RTTN: variants seen among roughly 807,000 people sequenced by gnomAD.
RTTN encodes the protein rotatin.
A neutral mutation model predicts 269.2 loss-of-function variants in RTTN; 182 were observed. That is an observed-to-expected ratio of 0.68 (90% CI 0.60 to 0.76). RTTN has a LOEUF of 0.76. Among genes scored for constraint, RTTN ranks in the 30% least tolerant of loss-of-function variants. RTTN has a pLI of 0.00. For missense variants in RTTN, 2,545 were observed against 2,608.6 expected, an observed-to-expected ratio of 0.98 and a Z score of 0.53; for synonymous variants, 1,006 against 963.5, an observed-to-expected ratio of 1.04 and a Z score of -0.82.
chr18:70,016,922 T>C (rs943092043), intron 46 of RTTN, among the ~76,000 whole-genome samples: 3 of 151,936 alleles, frequency 2.0e-5, no homozygotes, highest in Non-Finnish European at 4.4e-5. Flanking sequence ...ATGAAACACA[T>C]AATCTATCAG....
intron 5 of RTTN, among the ~76,000 whole-genome samples, chr18:70,198,263 C>A (rs1343564186): frequency 6.6e-6 from 1 of 152,104 alleles, no homozygotes; most frequent in Admixed American, 6.5e-5. Context: ...GTTCACTCCC[C>A]ACCCCAAAAA....
At position 70,184,703 on chromosome 18, in the gene RTTN, G is replaced by GTTT. The variant is rs374636456; in HGVS notation, c.1305+3402_1305+3404dup. Among the ~76,000 whole-genome samples the GTTT allele has an allele frequency of 3.1e-3, 81 of 26,368 alleles. 20 individuals carry two copies. The South Asian group carries it at 0.031, about 10-fold the overall frequency. The allele number at this position is 26,368 out of a possible 152,430, so 17.3% of individuals were successfully genotyped here. A position where few individuals can be genotyped will look rare whatever the true frequency, so the allele number is the denominator to read the frequency against. On this transcript the variant is annotated intron_variant, in intron 10 of 48. Coordinates refer to ENST00000640769, the MANE Select transcript of RTTN (RefSeq NM_173630.4). ...TCAATTCCATTCAAAACCACAGCAGGTTTTTTTTTTTTTTGTGTGTGTGTG... is the reference window on the plus strand; with the variant it reads ...TCAATTCCATTCAAAACCACAGCAGGTTTTTTTTTTTTTTTTTGTGTGTGTGTG...
intron 32 of RTTN, among the ~76,000 whole-genome samples, chr18:70,080,785 A>G (rs2058543332): frequency 6.6e-6 from 1 of 152,206 alleles, no homozygotes; most frequent in Non-Finnish European, 1.5e-5. Flanking sequence ...ACTACTGGGT[A>G]TCTACCCAGA....
In RTTN at chr18:70,054,263, G is replaced by C; in HGVS notation, c.5053C>G (p.Leu1685Val). Residue 1685 changes from leucine to valine, a missense_variant, in exon 38 of 49, where the codon CTA becomes GTA. Physicochemically the swap from Leu to Val is conservative, Grantham distance 32. Coordinates refer to ENST00000640769, the MANE Select transcript of RTTN (RefSeq NM_173630.4). ...QAQVSFLLEY[L>V]SSLSRLLQSC... ...TGCAGAAGCCTGGACAAAGAGGATA[G>C]GTATTCCAGGAGAAAGGAAACCTGT... The C allele has an allele frequency of 6.2e-7, 1 of 1,612,172 alleles. No homozygotes were observed. Among genetic ancestry groups the C allele is most frequent in the East Asian group, 2.2e-5 (1 of 44,808 alleles).
intron 35 of RTTN, among the ~76,000 whole-genome samples, chr18:70,060,966 AT>A (rs111432998): frequency 0.094 from 14,345 of 151,978 alleles, 2,030 homozygotes; most frequent in African/African-American, 0.31. Context: ...CATTGTGTAC[AT>A]ATATGGTTCA....
chr18:70,054,145 G>A lies in RTTN; in HGVS notation c.5171C>T (p.Thr1724Ile). Reference protein sequence around the residue: ...TNIIGILTICTKDVLDKELIS... With the variant: ...TNIIGILTICIKDVLDKELIS... ...ATTAAGCTTACCTAATACATCTTTG[G>A]TACATATGGTGAGAATTCCAATGAT... The change falls in exon 38 of 49, where the codon ACC (threonine) becomes ATC (isoleucine). Residue 1724 changes from threonine to isoleucine, a missense_variant. By Grantham distance (89) the Thr-to-Ile change is moderately conservative (BLOSUM62 -1). Transcript: ENST00000640769. 1 of 1,612,674 alleles carries A rather than the reference G, an allele frequency of 6.2e-7. No individual in the cohort carries two copies. The highest frequency in any genetic ancestry group is 8.5e-7 in the Non-Finnish European group (1 of 1,178,874).
intron 23 of RTTN, chr18:70,130,674 A>G (rs2059975982): frequency 6.6e-6 from 1 of 151,922 alleles, no homozygotes; most frequent in African/African-American, 2.4e-5. Context: ...GGGATGGCTA[A>G]TGGGTACATA....
Position 70,004,036 on chromosome 18 carries a change from AAC to A in RTTN, c.*113_*114del, listed in dbSNP as rs1310528288. The A allele has an allele frequency of 2.8e-6, 2 of 713,394 alleles. No individual in the cohort carries two copies. Among genetic ancestry groups the A allele is most frequent in the Non-Finnish European group, 4.9e-6 (2 of 408,394 alleles). The allele number at this position is 713,394 out of a possible 1,614,324, so 44.2% of individuals were successfully genotyped here. ...CTCTCTCATGGGAAAGAAGGGGATCAACACTTTGTAGAGAGGTAGCACGTCTT... is the reference window on the plus strand; with the variant it reads ...CTCTCTCATGGGAAAGAAGGGGATCAACTTTGTAGAGAGGTAGCACGTCTT... On this transcript the variant is annotated 3_prime_UTR_variant, in exon 49 of 49. Transcript: ENST00000640769.
intron 44 of RTTN, among the ~76,000 whole-genome samples, chr18:70,022,343 C>T (rs994360977): frequency 6.6e-6 from 1 of 152,148 alleles, no homozygotes; most frequent in East Asian, 1.9e-4. Flanking sequence ...TTCCTCTCAG[C>T]CTTCCCTCCG....
chr18:70,139,320 T>A (rs1343776616), intron 21 of RTTN, among the ~76,000 whole-genome samples: 5 of 152,200 alleles, frequency 3.3e-5, no homozygotes, highest in Non-Finnish European at 7.3e-5. Context: ...TCTTTATAGA[T>A]AATAGTTTAC....
chr18:70,042,595 G>T (rs969564576), intron 40 of RTTN, among the ~76,000 whole-genome samples: 1 of 151,846 alleles, frequency 6.6e-6, no homozygotes, highest in South Asian at 2.1e-4. Flanking sequence ...CCAGGATGGT[G>T]TCGATCTCCT....
chr18:70,026,391 A>C (rs1029705395), intron 43 of RTTN, among the ~76,000 whole-genome samples: 2 of 152,104 alleles, frequency 1.3e-5, no homozygotes, highest in Non-Finnish European at 2.9e-5. Flanking sequence ...TCCTCAAGAC[A>C]GTGAGTGATC....
At chr18:70,171,978 C>T (rs181263186) in intron 11 of RTTN, among the ~76,000 whole-genome samples, 13 of 152,264 alleles carry the variant, frequency 8.5e-5, no homozygotes, top group Non-Finnish European at 1.8e-4. Flanking sequence ...AGCTAAAGAC[C>T]TTGTGTTACA....
chr18:70,009,468 T>C (rs1284565438), intron 46 of RTTN, among the ~76,000 whole-genome samples: 1 of 152,092 alleles, frequency 6.6e-6, no homozygotes, highest in African/African-American at 2.4e-5. Context: ...GAAATTCATA[T>C]CCAGCCATAC....
chr18:70,188,072 T>C (rs1210055862), intron 10 of RTTN, 36 bp downstream of exon 10: 22 of 1,211,506 alleles, frequency 1.8e-5, no homozygotes, highest in Non-Finnish European at 2.4e-5. Flanking sequence ...TAAAAAATAC[T>C]ATTCCCTATA....
chr18:70,017,566 CAGA>C lies in RTTN; in HGVS notation c.6259_6261del (p.Ser2087del). ...AGAATCATTTGTTGCCCATCTTCTCCAGATGATATATTCAGGAGTAACTTCAAC... is the reference window on the plus strand; with the variant it reads ...AGAATCATTTGTTGCCCATCTTCTCCTGATATATTCAGGAGTAACTTCAAC... On this transcript the variant is annotated inframe_deletion, in exon 46 of 49. Coordinates refer to ENST00000640769, the MANE Select transcript of RTTN (RefSeq NM_173630.4). The C allele has an allele frequency of 6.2e-7, 1 of 1,614,006 alleles. No homozygotes were observed. Among genetic ancestry groups the C allele is most frequent in the East Asian group, 2.2e-5 (1 of 44,848 alleles).
rs545877263 is a variant in RTTN, at chr18:70,020,520, C to T, written c.6153+95G>A. On this transcript the variant is annotated intron_variant, in intron 45 of 48. Transcript: ENST00000640769. ...CCTTTAAAATAAAATGCCTCAAAATCATAATAATCTTAGAAATTGAGTTGT... is the reference window on the plus strand; with the variant it reads ...CCTTTAAAATAAAATGCCTCAAAATTATAATAATCTTAGAAATTGAGTTGT... 61 of 1,214,732 alleles carry T rather than the reference C, an allele frequency of 5.0e-5. No individual in the cohort carries two copies. In the South Asian group the frequency reaches 9.1e-4, roughly 18 times the overall value. 75.2% of individuals were successfully genotyped at this position (1,214,732 alleles called of 1,614,324 possible).
chr18:70,125,359 A>G (rs774390745), intron 25 of RTTN, among the ~76,000 whole-genome samples: 2 of 152,056 alleles, frequency 1.3e-5, no homozygotes, highest in Admixed American at 6.6e-5. Context: ...AGACTTCCTT[A>G]CATCTGCTGT....
rs10701052 is a variant in RTTN, at chr18:70,041,380, G to GCACACA, written c.5541+6585_5541+6590dup. ...CCATTAAAATGACAAAAATGGGATT[G>GCACACA]CACACACACACACACACACACAAGC... On this transcript the variant is annotated intron_variant, in intron 40 of 48. Coordinates refer to ENST00000640769, the MANE Select transcript of RTTN (RefSeq NM_173630.4). Among the ~76,000 whole-genome samples the GCACACA allele has an allele frequency of 7.1e-3, 1,043 of 147,486 alleles. 9 individuals carry two copies. Among genetic ancestry groups the GCACACA allele is most frequent in the African/African-American group, 0.023 (931 of 40,434 alleles).
Sources: allele counts gnomAD v4.1 joint callset (sites outside exome capture counted in the v4.1 genomes callset), GRCh38; gene constraint gnomAD v4.1.1; transcripts MANE v1.5; gene names NCBI Gene and HGNC (gene_info 2026-07-23, HGNC 2026-07-21).